The following LEPR variants were observed in gnomAD, a reference collection of about 807,000 sequenced individuals.
LEPR encodes the protein leptin receptor, also known as OB receptor.
Under a neutral mutation model 114.7 loss-of-function variants are expected in LEPR, and 56 were observed. The observed-to-expected ratio is 0.49, with a 90% CI of 0.39 to 0.61. The LOEUF (loss-of-function observed/expected upper bound fraction) is 0.61. Among genes scored for constraint, LEPR ranks in the 20% least tolerant of loss-of-function variants. The pLI is 0.00. For missense variants in LEPR, 1,202 were observed against 1,352.9 expected, an observed-to-expected ratio of 0.89 and a Z score of 1.75; for synonymous variants, 443 against 461.4, an observed-to-expected ratio of 0.96 and a Z score of 0.51.
chr1:65,453,188 T>C (rs1213348463), intron 2 of LEPR, among the ~76,000 whole-genome samples: 1 of 152,186 alleles, frequency 6.6e-6, no homozygotes, highest in Non-Finnish European at 1.5e-5. Context: ...TTATTAGTCT[T>C]GTTAGCAGTC....
chr1:65,443,955 T>TAAAGTTTGGACAG (rs1467585810), intron 2 of LEPR, among the ~76,000 whole-genome samples: 4 of 92,190 alleles, frequency 4.3e-5, no homozygotes, highest in South Asian at 8.0e-4. Context: ...CTGATACTTT[T>TAAAGTTTGGACAG]TTTTTTTTTT....
chr1:65,452,823 T>A (rs1447617581), intron 2 of LEPR, among the ~76,000 whole-genome samples: 3 of 152,184 alleles, frequency 2.0e-5, no homozygotes, highest in Admixed American at 6.5e-5. Flanking sequence ...TCCCTCTTTT[T>A]CTATTGATTG....
intron 16 of LEPR, among the ~76,000 whole-genome samples, chr1:65,618,996 A>C (rs1357298429): frequency 6.6e-6 from 1 of 152,162 alleles, no homozygotes; most frequent in Non-Finnish European, 1.5e-5. Flanking sequence ...CCAAAGTTAG[A>C]CCAGTTATTC....
At chr1:65,503,889 T>A (rs1648591132) in intron 2 of LEPR, among the ~76,000 whole-genome samples, 1 of 151,982 alleles carries the variant, frequency 6.6e-6, no homozygotes, top group South Asian at 2.1e-4. Flanking sequence ...ACAAGTCAGA[T>A]CTTTGTTTCT....
At chr1:65,487,337 G>T (rs999822736) in intron 2 of LEPR, among the ~76,000 whole-genome samples, 16 of 152,114 alleles carry the variant, frequency 1.1e-4, no homozygotes, top group African/African-American at 3.9e-4. Flanking sequence ...CTGAATGTGG[G>T]CACTACATGA....
intron 2 of LEPR, among the ~76,000 whole-genome samples, chr1:65,546,947 G>A (rs1164809303): frequency 6.6e-6 from 1 of 152,174 alleles, no homozygotes; most frequent in African/African-American, 2.4e-5. Context: ...CTGTGGATTT[G>A]TCATAGATAG....
chr1:65,433,605 G>A, intron 2 of LEPR: 2 of 985,300 alleles, frequency 2.0e-6, no homozygotes, highest in Non-Finnish European at 2.4e-6. Flanking sequence ...ATAACTAAAG[G>A]GTTAATGTGC....
Position 65,636,282 on chromosome 1 carries a change from T to G in LEPR, c.2765T>G (p.Ile922Ser). 1 of 1,613,998 alleles carries G rather than the reference T, an allele frequency of 6.2e-7. No individual in the cohort carries two copies. The highest frequency in any genetic ancestry group is 1.1e-5 in the South Asian group (1 of 91,076). The change falls in exon 20 of 20, where the codon ATC becomes AGC. Residue 922 changes from isoleucine (I) to serine (S), a missense_variant. Ile to Ser is a moderately radical substitution (Grantham distance 142). Coordinates refer to ENST00000349533, the MANE Select transcript of LEPR (RefSeq NM_002303.6). ...LLEPETISEDISVDTSWKNKD... is the reference protein window; with the variant it reads ...LLEPETISEDSSVDTSWKNKD... ...GAGCCTGAAACAATTTCAGAAGATA[T>G]CAGTGTTGATACATCATGGAAAAAT...
intron 5 of LEPR, among the ~76,000 whole-genome samples, chr1:65,580,647 C>G (rs1254094626): frequency 6.6e-6 from 1 of 152,144 alleles, no homozygotes; most frequent in Non-Finnish European, 1.5e-5. Context: ...AGGCACGGAG[C>G]TGAGCATGGG....
At chr1:65,629,394 A>G in intron 19 of LEPR, 1 of 442,030 alleles carries the variant, frequency 2.3e-6, no homozygotes, top group Non-Finnish European at 4.5e-6. Context: ...AAATAGAAAA[A>G]CTAATAAACT....
intron 17 of LEPR, among the ~76,000 whole-genome samples, 181 bp from the exon 18 acceptor site, chr1:65,621,169 AAAT>A (rs1285483868): frequency 1.3e-5 from 2 of 152,238 alleles, no homozygotes; most frequent in Non-Finnish European, 2.9e-5. Context: ...ATGCTGAACA[AAAT>A]AATAAGTATT....
intron 3 of LEPR, among the ~76,000 whole-genome samples, chr1:65,568,132 G>A (rs572912820): frequency 6.6e-5 from 10 of 152,094 alleles, no homozygotes; most frequent in South Asian, 2.1e-4. Flanking sequence ...ATAGTTGTGC[G>A]TTTTATAGAA....
intron 1 of LEPR, chr1:65,421,574 C>A: frequency 1.7e-6 from 2 of 1,205,364 alleles, no homozygotes; most frequent in Non-Finnish European, 2.4e-6. Context: ...TTAACATCTG[C>A]TATAAACATG....
chr1:65,490,204 C>T (rs1393188870), intron 2 of LEPR, among the ~76,000 whole-genome samples: 1 of 152,070 alleles, frequency 6.6e-6, no homozygotes, highest in Non-Finnish European at 1.5e-5. Context: ...AATAGGTCAT[C>T]GCTTCCAGTG....
intron 5 of LEPR, among the ~76,000 whole-genome samples, chr1:65,581,868 T>C (rs1319828278): frequency 2.0e-5 from 3 of 152,208 alleles, no homozygotes; most frequent in African/African-American, 7.2e-5. Context: ...TAACTACAGA[T>C]GGTAATGTTA....
intron 2 of LEPR, among the ~76,000 whole-genome samples, chr1:65,444,939 A>G (rs1646695411): frequency 6.6e-6 from 1 of 152,176 alleles, no homozygotes; most frequent in Non-Finnish European, 1.5e-5. Context: ...GCCTTAGATG[A>G]CAAATAACCT....
chr1:65,521,954 C>T (rs1309872100), intron 2 of LEPR, among the ~76,000 whole-genome samples: 3 of 152,054 alleles, frequency 2.0e-5, no homozygotes, highest in Admixed American at 6.5e-5. Context: ...ACAAAAATTA[C>T]GTGGGTGTAG....
At chr1:65,434,812 C>T in intron 2 of LEPR, 1 of 985,568 alleles carries the variant, frequency 1.0e-6, no homozygotes, top group Non-Finnish European at 1.2e-6. Flanking sequence ...TGAGGTTCTT[C>T]ATATTCCAGA....
At chr1:65,614,768 A>C (rs771734659) in intron 14 of LEPR, among the ~76,000 whole-genome samples, 6 of 152,200 alleles carry the variant, frequency 3.9e-5, no homozygotes, top group Non-Finnish European at 7.3e-5. Context: ...TTTAGGATAC[A>C]TGTACATTTT....
Sources: allele counts gnomAD v4.1 joint callset (sites outside exome capture counted in the v4.1 genomes callset), GRCh38; gene constraint gnomAD v4.1.1; transcripts MANE v1.5; gene names NCBI Gene and HGNC (gene_info 2026-07-23, HGNC 2026-07-21).